Variants in SHCBP1 observed in about 807,000 individuals in gnomAD.
SHCBP1 encodes SHC SH2 domain-binding protein 1.
SHCBP1 carries 60 observed loss-of-function variants against 75.1 expected under a neutral mutation model. The ratio of observed to expected loss-of-function variants is 0.80; its 90% CI spans 0.65 to 0.99. The LOEUF is 0.99. Ranked by LOEUF, SHCBP1 falls within the 50% of genes least tolerant of loss-of-function variation. The probability of loss-of-function intolerance (pLI) is 0.00; values close to 1 mark genes in which losing one functional copy is unlikely to be tolerated. For missense variants in SHCBP1, 709 were observed against 809.4 expected (o/e 0.88, Z 1.50); for synonymous variants, 290 against 293.2 (o/e 0.99, Z 0.11).
Position 46,599,821 on chromosome 16 carries a change from A to T in SHCBP1, c.1345+10T>A, listed in dbSNP as rs1965203825. ...AGAACAAATGATATACCAAACATTC[A>T]GATACTTACTTAAGATTCCCTCTAC... On this transcript the variant is annotated intron_variant, in intron 9 of 12. Coordinates refer to ENST00000303383, the MANE Select transcript of SHCBP1 (RefSeq NM_024745.5). The T allele has an allele frequency of 1.9e-6, 3 of 1,593,490 alleles. No homozygotes were observed. The highest frequency in any genetic ancestry group is 2.6e-6 in the Non-Finnish European group (3 of 1,172,940).
intron 10 of SHCBP1, among the ~76,000 whole-genome samples, chr16:46,589,901 G>A (rs537326456): frequency 1.3e-3 from 197 of 152,184 alleles, no homozygotes; most frequent in African/African-American, 3.8e-3. Flanking sequence ...GAGGCATCAC[G>A]CTACCTGACT....
chr16:46,593,854 C>T (rs1462891569), intron 10 of SHCBP1, among the ~76,000 whole-genome samples: 1 of 152,102 alleles, frequency 6.6e-6, no homozygotes, highest in Non-Finnish European at 1.5e-5. Flanking sequence ...ATTAAAGTTC[C>T]TATCAAAATC....
At position 46,606,108 on chromosome 16, in the gene SHCBP1, G is replaced by A. The variant is rs987129293; in HGVS notation, c.690-1647C>T. Among the ~76,000 whole-genome samples, 6 of 152,146 alleles carry A rather than the reference G, an allele frequency of 3.9e-5. No individual in the cohort carries two copies. In the South Asian group the frequency reaches 8.3e-4, roughly 21 times the overall value. On this transcript the variant is annotated intron_variant, in intron 5 of 12. Transcript: ENST00000303383. ...CTTAGCACTTCCAGTATCCATGCCC[G>A]TTAGCTTATTTCTTTTCATTTCTTT...
chr16:46,579,113 T>C lies in SHCBP1; in HGVS notation c.*2616A>G, dbSNP rs1218407536. Among the ~76,000 whole-genome samples the C allele has an allele frequency of 2.0e-5, 3 of 152,100 alleles. No homozygotes were observed. The highest frequency in any genetic ancestry group is 1.9e-4 in the East Asian group (1 of 5,200). ...TACATCTAAAGAAGCTAAAATAAAATACTCAAATCAGCAAAATAGAATTTT... is the reference window on the plus strand; with the variant it reads ...TACATCTAAAGAAGCTAAAATAAAACACTCAAATCAGCAAAATAGAATTTT... On this transcript the variant is annotated 3_prime_UTR_variant, in exon 13 of 13. Transcript: ENST00000303383.
rs1596690637 is a variant in SHCBP1, at chr16:46,616,000, A to C, written c.542T>G (p.Val181Gly). The change falls in exon 4 of 13, where the codon GTG becomes GGG. Residue 181 changes from valine (V) to glycine (G), a missense_variant. Transcript: ENST00000303383. ...HRLPLQELWV[V>G]FDDSGVFDQT... is the part of the protein sequence containing the mutation. ...GTCAAACACTCCTGAATCATCAAAC[A>C]CCACCCACAGCTCCTGCAGGGGCAA... is the stretch of plus-strand genomic sequence containing the variant. The C allele has an allele frequency of 1.2e-6, 2 of 1,614,122 alleles. No homozygotes were observed. Among genetic ancestry groups the C allele is most frequent in the Non-Finnish European group, 1.7e-6 (2 of 1,180,030 alleles).
chr16:46,606,844 A>G (rs1055805990), intron 5 of SHCBP1, among the ~76,000 whole-genome samples: 2 of 151,280 alleles, frequency 1.3e-5, no homozygotes, highest in Non-Finnish European at 2.9e-5. Flanking sequence ...TTTTTGAGAC[A>G]AAGTCTTGCT....
intron 8 of SHCBP1, among the ~76,000 whole-genome samples, chr16:46,602,742 T>C (rs1397143311): frequency 1.3e-5 from 2 of 152,228 alleles, no homozygotes; most frequent in Non-Finnish European, 2.9e-5. Context: ...GCGATTGTTC[T>C]GCCTCAGCCT....
intron 10 of SHCBP1, 140 bp downstream of exon 10, chr16:46,595,412 C>T (rs897602039): frequency 2.7e-6 from 2 of 737,984 alleles, no homozygotes; most frequent in Admixed American, 2.1e-5. Context: ...AAGACCCTTG[C>T]ACAGTTGAGT....
At position 46,579,929 on chromosome 16, in the gene SHCBP1, A is replaced by G. The variant is rs898372472; in HGVS notation, c.*1800T>C. 6.6e-6 allele frequency among the ~76,000 whole-genome samples: 1 copy of G among 151,882 alleles called. No individual in the cohort carries two copies. Among genetic ancestry groups the G allele is most frequent in the African/African-American group, 2.4e-5 (1 of 41,346 alleles). Reference sequence around the variant, plus strand: ...GGTGACAAAGTGAAGCTCCATCTCAAAAACAAAACAAAATAAAATAAAAAT... The same window carrying G: ...GGTGACAAAGTGAAGCTCCATCTCAGAAACAAAACAAAATAAAATAAAAAT... On this transcript the variant is annotated 3_prime_UTR_variant, in exon 13 of 13. Transcript: ENST00000303383.
chr16:46,610,579 A>G (rs1965400343), intron 4 of SHCBP1, among the ~76,000 whole-genome samples: 1 of 8,696 alleles, frequency 1.1e-4, no homozygotes, highest in African/African-American at 3.1e-4. Flanking sequence ...TTTTTGAGAC[A>G]GTGTGGTGCT....
At chr16:46,605,038 C>T (rs550876823) in intron 5 of SHCBP1, among the ~76,000 whole-genome samples, 212 of 152,206 alleles carry the variant, frequency 1.4e-3, no homozygotes, top group Non-Finnish European at 2.7e-3. Context: ...GCTGAATATT[C>T]CCTAAGGAAG....
intron 10 of SHCBP1, chr16:46,584,366 T>C (rs1290874237): frequency 1.6e-5 from 4 of 244,532 alleles, no homozygotes; most frequent in South Asian, 1.7e-4. Flanking sequence ...TGCTCTACTC[T>C]CTTTCATTCT....
chr16:46,592,165 CAG>C (rs1262074367), intron 10 of SHCBP1, among the ~76,000 whole-genome samples: 1 of 151,324 alleles, frequency 6.6e-6, no homozygotes, highest in Non-Finnish European at 1.5e-5. Flanking sequence ...AAATTGAAAA[CAG>C]AACAATTATC....
intron 3 of SHCBP1, 112 bp downstream of exon 3, chr16:46,617,522 C>T: frequency 1.4e-6 from 1 of 728,606 alleles, no homozygotes; most frequent in Non-Finnish European, 2.2e-6. Flanking sequence ...GAAAAACATG[C>T]TATTTGAATC....
intron 10 of SHCBP1, among the ~76,000 whole-genome samples, chr16:46,590,495 A>T (rs550193520): frequency 3.3e-5 from 5 of 152,320 alleles, no homozygotes; most frequent in African/African-American, 1.2e-4. Context: ...CCCCATCAAA[A>T]AGTGGGCAAA....
chr16:46,608,523 T>G, intron 4 of SHCBP1, 134 bp from the exon 5 acceptor site: 1 of 622,832 alleles, frequency 1.6e-6, no homozygotes, highest in East Asian at 2.9e-5. Context: ...CTATGGTTGA[T>G]AGTCATGAGT....
rs1022768519 is a variant in SHCBP1 at position 46,614,287 on chromosome 16, G to A, written c.596+1659C>T. Among the ~76,000 whole-genome samples the A allele has an allele frequency of 3.3e-5, 5 of 152,142 alleles. No individual in the cohort carries two copies. The South Asian group carries it at 6.2e-4, about 19-fold the overall frequency. On this transcript the variant is annotated intron_variant, in intron 4 of 12. Transcript: ENST00000303383. Reference sequence around the variant, plus strand: ...TTCGAGTTAAGCTCAGCAAAACCACGTTAACTCACTAATGGTATAGAAAAT... The same window carrying A: ...TTCGAGTTAAGCTCAGCAAAACCACATTAACTCACTAATGGTATAGAAAAT...
chr16:46,600,832 C>T (rs1272374819), intron 8 of SHCBP1, among the ~76,000 whole-genome samples: 1 of 144,030 alleles, frequency 6.9e-6, no homozygotes, highest in African/African-American at 2.6e-5. Context: ...GGCCAACATA[C>T]AGAAATCCTG....
chr16:46,599,936 T>A lies in SHCBP1; in HGVS notation c.1240A>T (p.Ile414Leu), dbSNP rs1436155579. The A allele has an allele frequency of 3.1e-6, 5 of 1,613,500 alleles. No individual in the cohort carries two copies. The African/African-American group carries it at 4.0e-5, about 13-fold the overall frequency. The change falls in exon 9 of 13, where the codon ATA becomes TTA. Residue 414 changes from isoleucine (I) to leucine (L), a missense_variant. By Grantham distance (5) the Ile-to-Leu change is conservative. Coordinates refer to ENST00000303383, the MANE Select transcript of SHCBP1 (RefSeq NM_024745.5). ...GTGTCGCCTTTGCCCCTCTTTTCTA[T>A]CACAATGTCATCTGGTAGGCCATAT... ...EGYGLPDDIV[I>L]EKRGKGDTFV...
Sources: gnomAD v4.1 joint callset for allele counts (sites outside exome capture counted in the v4.1 genomes callset) on GRCh38, gnomAD v4.1.1 for gene constraint, MANE v1.5 for transcripts, NCBI Gene and HGNC (gene_info 2026-07-23, HGNC 2026-07-21) for gene names.